The following ZNF469 variants were observed in gnomAD, a reference collection of about 807,000 sequenced individuals.
The protein encoded by ZNF469 is zinc finger protein 469.
ZNF469 carries 1 observed loss-of-function variant against 1.0 expected under a neutral mutation model. The observed-to-expected ratio is 1.00, with a 90% CI of 0.35 to 4.73. The LOEUF is 4.73. Ranked by LOEUF, ZNF469 falls within the 30% of genes most tolerant of loss-of-function variation. ZNF469 has a pLI of 0.16. For synonymous variants in ZNF469, 2,703 were observed against 2,363.4 expected (o/e 1.14, Z -4.17); for missense variants, 6,100 against 5,356.3 (o/e 1.14, Z -4.33).
At chr16:88,175,101 A>T in the ZNF469 span, among the ~76,000 whole-genome samples, 2 of 152,168 alleles carry the variant, frequency 1.3e-5, no homozygotes, top group Non-Finnish European at 2.9e-5. Flanking sequence ...AGCTTTTAAG[A>T]TCTTCCGACT....
At chr16:88,123,761 T>C in the ZNF469 span, among the ~76,000 whole-genome samples, 1 of 152,256 alleles carries the variant, frequency 6.6e-6, no homozygotes, top group African/African-American at 2.4e-5. Flanking sequence ...TCTTTTCCTA[T>C]ACCTCTTTGC....
intron 1 of ZNF469, among the ~76,000 whole-genome samples, chr16:88,400,276 A>G (rs766539767): frequency 1.1e-4 from 17 of 152,230 alleles, no homozygotes; most frequent in Non-Finnish European, 2.2e-4. Flanking sequence ...TTGGAGCCTC[A>G]GTGTCCTGTG....
chr16:88,244,222 T>C, the ZNF469 span, among the ~76,000 whole-genome samples: 1 of 128,206 alleles, frequency 7.8e-6, no homozygotes, highest in Non-Finnish European at 1.6e-5. Context: ...TATGCATGCA[T>C]GGATGGGTGG....
the ZNF469 span, among the ~76,000 whole-genome samples, chr16:88,215,102 G>C: frequency 1.3e-5 from 2 of 152,152 alleles, no homozygotes; most frequent in South Asian, 4.2e-4. Context: ...AATTCTGTCA[G>C]GCATGTCTAT....
the ZNF469 span, among the ~76,000 whole-genome samples, chr16:88,163,115 G>A: frequency 6.7e-6 from 1 of 149,224 alleles, no homozygotes. Flanking sequence ...GTGGATGTAT[G>A]AGTGGCATAA....
At chr16:88,243,909 T>C in the ZNF469 span, among the ~76,000 whole-genome samples, 9 of 86,026 alleles carry the variant, frequency 1.0e-4, no homozygotes, top group Non-Finnish European at 2.0e-4. Flanking sequence ...GCTGGCTGGA[T>C]GCATATATAT....
At position 88,437,931 on chromosome 16, in the gene ZNF469, C is replaced by T. The variant is rs1290614620; in HGVS notation, c.10461C>T (p.Gly3487=). ...TGCCCGGCAGTGCCCCTGGGCCCGG[C>T]GAGGACAGGCCTCCTCCCCGGGGAA... is the stretch of plus-strand genomic sequence containing the variant. ...VAMPGSAPGP[G]EDRPPPRGSS... Residue 3487 remains glycine, a synonymous_variant, in exon 3 of 3, where the codon GGC becomes GGT. Coordinates refer to ENST00000565624, the MANE Select transcript of ZNF469 (RefSeq NM_001367624.2). 21 of 1,540,560 alleles carry T rather than the reference C, an allele frequency of 1.4e-5. No individual in the cohort carries two copies. The highest frequency in any genetic ancestry group is 2.7e-5 in the African/African-American group (2 of 72,878).
the ZNF469 span, among the ~76,000 whole-genome samples, chr16:88,239,306 C>T: frequency 3.3e-5 from 5 of 151,940 alleles, no homozygotes; most frequent in Non-Finnish European, 5.9e-5. Context: ...AATTATTTCC[C>T]CTTTATGTGG....
At chr16:88,254,880 G>C in the ZNF469 span, among the ~76,000 whole-genome samples, 9 of 151,858 alleles carry the variant, frequency 5.9e-5, no homozygotes, top group African/African-American at 1.9e-4. Context: ...CAAATGCTTT[G>C]AGATTACAGA....
At chr16:88,101,567 A>C in the ZNF469 span, among the ~76,000 whole-genome samples, 11 of 150,816 alleles carry the variant, frequency 7.3e-5, no homozygotes, top group South Asian at 2.3e-3. Flanking sequence ...TTGAGAAAAG[A>C]AAAACAAAGT....
At chr16:88,389,672 G>T (rs906651695) in intron 1 of ZNF469, among the ~76,000 whole-genome samples, 1 of 152,210 alleles carries the variant, frequency 6.6e-6, no homozygotes, top group East Asian at 1.9e-4. Context: ...GGAGGGTGAG[G>T]CGTTGGCTCA....
At chr16:88,117,147 GA>G in the ZNF469 span, among the ~76,000 whole-genome samples, 1 of 151,872 alleles carries the variant, frequency 6.6e-6, no homozygotes, top group Non-Finnish European at 1.5e-5. Flanking sequence ...GGATATGTGA[GA>G]GCTGGGGACG....
At chr16:88,199,995 C>G in the ZNF469 span, among the ~76,000 whole-genome samples, 2 of 152,334 alleles carry the variant, frequency 1.3e-5, no homozygotes, top group South Asian at 4.1e-4. Flanking sequence ...GCTCACCACC[C>G]TGTTCCCTCC....
At position 88,424,611 on chromosome 16, in the gene ZNF469, C is replaced by T. The variant is rs1362253516; in HGVS notation, c.-191-196C>T. Among the ~76,000 whole-genome samples the T allele has an allele frequency of 2.0e-5, 3 of 152,074 alleles. No individual in the cohort carries two copies. Among genetic ancestry groups the T allele is most frequent in the South Asian group, 2.1e-4 (1 of 4,826 alleles). On this transcript the variant is annotated intron_variant, in intron 1 of 2. Coordinates refer to ENST00000565624, the MANE Select transcript of ZNF469 (RefSeq NM_001367624.2). This position sits in a 1 kb window ranked among gnomAD's most constrained non-coding sequence, Gnocchi z 4.3. ...GACCCCTAAACCCTTCAGGGTCCCC[C>T]GGGCCAGCTGAGCTGCCCGCTGGCC... is the stretch of plus-strand genomic sequence containing the variant.
At chr16:88,218,397 G>A in the ZNF469 span, among the ~76,000 whole-genome samples, 1 of 148,872 alleles carries the variant, frequency 6.7e-6, no homozygotes, top group East Asian at 2.0e-4. Context: ...TAGGTTGCCT[G>A]TTCACTCTGA....
the ZNF469 span, among the ~76,000 whole-genome samples, chr16:88,208,795 ACACACACACTCTCTCT>A: frequency 0.011 from 412 of 38,244 alleles, 3 homozygotes; most frequent in African/African-American, 0.022. Flanking sequence ...ACACACACAC[ACACACACACTCTCTCT>A]CTCTCTCTCT....
chr16:88,260,603 C>A, the ZNF469 span, among the ~76,000 whole-genome samples: 1 of 152,140 alleles, frequency 6.6e-6, no homozygotes, highest in African/African-American at 2.4e-5. This position sits in a 1 kb window ranked among gnomAD's most constrained non-coding sequence, Gnocchi z 4.1. Context: ...ACTGCTTGAT[C>A]TTTGACGTTC....
At chr16:88,352,711 A>G in the ZNF469 span, among the ~76,000 whole-genome samples, 1 of 152,174 alleles carries the variant, frequency 6.6e-6, no homozygotes, top group Non-Finnish European at 1.5e-5. Flanking sequence ...CGTGGCGTGG[A>G]AGATTTCGAG....
chr16:88,203,856 C>T, the ZNF469 span, among the ~76,000 whole-genome samples: 1 of 152,190 alleles, frequency 6.6e-6, no homozygotes, highest in Non-Finnish European at 1.5e-5. Context: ...GAGCGCATTT[C>T]CAACAAAGCG....
Sources: allele counts gnomAD v4.1 joint callset (sites outside exome capture counted in the v4.1 genomes callset), GRCh38; gene constraint gnomAD v4.1.1; non-coding constraint Gnocchi (gnomAD v3.1); transcripts MANE v1.5; gene names NCBI Gene and HGNC (gene_info 2026-07-23, HGNC 2026-07-21).